The following TMEM59 variants were observed in gnomAD, a reference collection of about 807,000 sequenced individuals.
TMEM59 encodes the protein dendritic cell factor 1.
TMEM59 carries 44 observed loss-of-function variants against 42.2 expected under a neutral mutation model. That is an observed-to-expected ratio of 1.04 (90% CI 0.82 to 1.34). The LOEUF (loss-of-function observed/expected upper bound fraction) is 1.34. Ranked by LOEUF, TMEM59 falls within the 40% of genes most tolerant of loss-of-function variation. The pLI is 0.00. For missense variants in TMEM59, 359 were observed against 382.8 expected, an observed-to-expected ratio of 0.94 and a Z score of 0.52; for synonymous variants, 148 against 145.8, an observed-to-expected ratio of 1.02 and a Z score of -0.11.
Position 54,030,747 on chromosome 1 carries a change from A to G in TMEM59, c.*1403T>C, listed in dbSNP as rs530274374. ...AGACAAACTAAAAATAAAAACCTAC[A>G]CTTTGTGACCAAAGTCTTCCTTGAT... On this transcript the variant is annotated 3_prime_UTR_variant, in exon 8 of 8. Coordinates refer to ENST00000234831, the MANE Select transcript of TMEM59 (RefSeq NM_004872.5). 3 of 152,270 alleles carry G rather than the reference A, an allele frequency of 2.0e-5. No individual in the cohort carries two copies. The highest frequency in any genetic ancestry group is 2.0e-4 in the Admixed American group (3 of 15,302). 9.4% of individuals were successfully genotyped at this position (152,270 alleles called of 1,614,324 possible). A position where few individuals can be genotyped will look rare whatever the true frequency, so the allele number is the denominator to read the frequency against.
chr1:54,045,577 A>C, intron 3 of TMEM59, 115 bp downstream of exon 3: 1 of 1,041,632 alleles, frequency 9.6e-7, no homozygotes, highest in Non-Finnish European at 1.4e-6. Context: ...TGTTTGCTGA[A>C]AGCCAAATAT....
chr1:54,032,040 G>A lies in TMEM59; in HGVS notation c.*110C>T. 1.0e-6 allele frequency: 1 copy of A among 969,858 alleles called. No individual in the cohort carries two copies. The highest frequency in any genetic ancestry group is 1.4e-6 in the Non-Finnish European group (1 of 712,192). 60.1% of individuals were successfully genotyped at this position (969,858 alleles called of 1,614,324 possible). On this transcript the variant is annotated 3_prime_UTR_variant, in exon 8 of 8. Coordinates refer to ENST00000234831, the MANE Select transcript of TMEM59 (RefSeq NM_004872.5). ...TTCACAGATTTGAGTAACTTTATTT[G>A]CATTTTATAGTGATTTCTTAAGGCC...
At chr1:54,039,560 A>G (rs1434357081) in intron 6 of TMEM59, among the ~76,000 whole-genome samples, 3 of 152,366 alleles carry the variant, frequency 2.0e-5, no homozygotes, top group Non-Finnish European at 4.4e-5. Context: ...CTTAGTAAAA[A>G]GTATTAATTT....
intron 4 of TMEM59, among the ~76,000 whole-genome samples, chr1:54,042,202 T>C (rs377426602): frequency 1.2e-4 from 18 of 152,324 alleles, no homozygotes; most frequent in East Asian, 5.8e-4. Context: ...ACATTATCTC[T>C]ATTTATTCTC....
chr1:54,029,479 T>G lies in TMEM59; in HGVS notation c.*2671A>C, dbSNP rs768031392. ...CCAAGACCAGATTCTCAAGATGCTTTCTGTGTGGTAGGAAATAAGATTATG... is the reference window on the plus strand; with the variant it reads ...CCAAGACCAGATTCTCAAGATGCTTGCTGTGTGGTAGGAAATAAGATTATG... On this transcript the variant is annotated 3_prime_UTR_variant, in exon 8 of 8. Transcript: ENST00000234831. The G allele has an allele frequency of 7.2e-5, 11 of 152,164 alleles. No individual in the cohort carries two copies. Among genetic ancestry groups the G allele is most frequent in the Non-Finnish European group, 1.6e-4 (11 of 68,018 alleles). The allele number at this position is 152,164 out of a possible 1,614,324, so 9.4% of individuals were successfully genotyped here. A position where few individuals can be genotyped will look rare whatever the true frequency, so the allele number is the denominator to read the frequency against.
upstream of TMEM59, chr1:54,053,240 G>C (rs767893514): frequency 1.9e-6 from 3 of 1,594,238 alleles, no homozygotes; most frequent in Admixed American, 5.1e-5. Context: ...TCTCGGAAGG[G>C]TTTCCTCCTC....
chr1:54,030,202 G>A lies in TMEM59; in HGVS notation c.*1948C>T, dbSNP rs1656721635. Reference sequence around the variant, plus strand: ...TGCCCAGGATGGTGTTGAACTCCTGGCCCCAAGTGATCTAGATAATTCTTT... The same window carrying A: ...TGCCCAGGATGGTGTTGAACTCCTGACCCCAAGTGATCTAGATAATTCTTT... On this transcript the variant is annotated 3_prime_UTR_variant, in exon 8 of 8. Coordinates refer to ENST00000234831, the MANE Select transcript of TMEM59 (RefSeq NM_004872.5). 1 of 151,708 alleles carries A rather than the reference G, an allele frequency of 6.6e-6. No homozygotes were observed. Among genetic ancestry groups the A allele is most frequent in the Admixed American group, 6.6e-5 (1 of 15,246 alleles). 9.4% of individuals were successfully genotyped at this position (151,708 alleles called of 1,614,324 possible).
rs1321563272 is a variant in TMEM59 at position 54,041,805 on chromosome 1, A to G, written c.544T>C (p.Ser182Pro). The G allele has an allele frequency of 6.2e-7, 1 of 1,611,184 alleles. No individual in the cohort carries two copies. The highest frequency in any genetic ancestry group is 2.2e-5 in the East Asian group (1 of 44,798). Residue 182 changes from serine to proline, a missense_variant and splice_region_variant, in exon 5 of 8, where the codon TCT becomes CCT. By Grantham distance (74) the Ser-to-Pro change is moderately conservative. Coordinates refer to ENST00000234831, the MANE Select transcript of TMEM59 (RefSeq NM_004872.5). The part of the protein sequence containing the change: ...ADDGKIVIFQ[S>P]KPEIQYAPHL... Reference sequence around the variant, plus strand: ...GGTGCGTACTGGATTTCTGGCTTAGACTAAAATAATAATGAAAGCAATTAA... The same window carrying G: ...GGTGCGTACTGGATTTCTGGCTTAGGCTAAAATAATAATGAAAGCAATTAA...
At chr1:54,034,642 T>C (rs1656885456) in intron 7 of TMEM59, 1 of 152,196 alleles carries the variant, frequency 6.6e-6, no homozygotes, top group Non-Finnish European at 1.5e-5. Context: ...GGTGTGGTGG[T>C]GTGCGCTTGT....
chr1:54,048,887 C>T (rs1209686332), intron 1 of TMEM59, among the ~76,000 whole-genome samples: 1 of 152,200 alleles, frequency 6.6e-6, no homozygotes, highest in Non-Finnish European at 1.5e-5. Context: ...ACTGCATTTA[C>T]TGTTAAGATG....
intron 3 of TMEM59, 33 bp from the exon 4 acceptor site, chr1:54,043,558 AT>A (rs1451385927): frequency 7.6e-7 from 1 of 1,322,046 alleles, no homozygotes. Flanking sequence ...GAAATATATT[AT>A]TTTTATATAT....
chr1:54,042,477 A>T (rs981821386), intron 4 of TMEM59, among the ~76,000 whole-genome samples: 6 of 152,206 alleles, frequency 3.9e-5, no homozygotes, highest in African/African-American at 1.4e-4. Context: ...ATGAATTTAA[A>T]GAGAAAATTC....
chr1:54,029,568 C>G lies in TMEM59; in HGVS notation c.*2582G>C, dbSNP rs937114338. The G allele has an allele frequency of 2.0e-5, 3 of 152,112 alleles. No homozygotes were observed. The highest frequency in any genetic ancestry group is 4.8e-5 in the African/African-American group (2 of 41,398). The allele number at this position is 152,112 out of a possible 1,614,324, so 9.4% of individuals were successfully genotyped here. A position where few individuals can be genotyped will look rare whatever the true frequency, so the allele number is the denominator to read the frequency against. On this transcript the variant is annotated 3_prime_UTR_variant, in exon 8 of 8. Transcript: ENST00000234831. ...ACATCCAAGAAGGGCAAAACTGTTA[C>G]TTTAGGAGAAGGGGCTTGGAAGCTC...
chr1:54,049,865 C>G (rs926428399), intron 1 of TMEM59, among the ~76,000 whole-genome samples: 4 of 152,048 alleles, frequency 2.6e-5, no homozygotes, highest in African/African-American at 9.7e-5. Flanking sequence ...TCAGCAAGGA[C>G]AAACAGTAAT....
chr1:54,034,241 G>A (rs1469039378), intron 7 of TMEM59: 1 of 152,616 alleles, frequency 6.6e-6, no homozygotes, highest in Non-Finnish European at 1.5e-5. Context: ...TAGGGCTGGA[G>A]GGTGAGATGG....
At chr1:54,050,691 TG>T (rs1303182310) in intron 1 of TMEM59, among the ~76,000 whole-genome samples, 5 of 151,940 alleles carry the variant, frequency 3.3e-5, no homozygotes, top group African/African-American at 1.2e-4. Flanking sequence ...CCTGAGTAGC[TG>T]GGATTACAGG....
intron 1 of TMEM59, among the ~76,000 whole-genome samples, chr1:54,048,194 G>T (rs74085140): frequency 0.084 from 12,750 of 152,160 alleles, 1,211 homozygotes; most frequent in African/African-American, 0.24. Context: ...TATATGAAGG[G>T]ATTTTTTAAA....
chr1:54,052,040 A>G (rs1657559684), intron 1 of TMEM59, among the ~76,000 whole-genome samples: 1 of 152,176 alleles, frequency 6.6e-6, no homozygotes, highest in African/African-American at 2.4e-5. Context: ...CACAATGGTT[A>G]AGCAAATAGC....
At position 54,036,626 on chromosome 1, in the gene TMEM59, T is replaced by G; in HGVS notation, c.800A>C (p.Gln267Pro). The change falls in exon 7 of 8, where the codon CAG becomes CCG. Residue 267 changes from glutamine to proline, a missense_variant. Transcript: ENST00000234831. The part of the protein sequence containing the change: ...CCATVATAVE[Q>P]YVPSEKLSIY... ...TAAATTTACCTCAGAGGGAACATAC[T>G]GCTCCACAGCTGTAGCAACAGTTGC... is the stretch of plus-strand genomic sequence containing the variant. 1 of 1,607,846 alleles carries G rather than the reference T, an allele frequency of 6.2e-7. No individual in the cohort carries two copies. Among genetic ancestry groups the G allele is most frequent in the Non-Finnish European group, 8.5e-7 (1 of 1,176,782 alleles).
Sources: gnomAD v4.1 joint callset for allele counts (sites outside exome capture counted in the v4.1 genomes callset) on GRCh38, gnomAD v4.1.1 for gene constraint, MANE v1.5 for transcripts, NCBI Gene and HGNC (gene_info 2026-07-23, HGNC 2026-07-21) for gene names.